Variants in CRYBG2 observed in about 807,000 individuals in gnomAD.
CRYBG2 encodes beta/gamma crystallin domain-containing protein 2.
In CRYBG2, 106 loss-of-function variants were observed where a neutral mutation model predicts 153.4. That is an observed-to-expected ratio of 0.69 (90% CI 0.59 to 0.81). The LOEUF is 0.81. CRYBG2 is among the 30% of genes least tolerant of loss of function. The pLI is 0.00. For missense variants in CRYBG2, 1,996 were observed against 2,112.0 expected (o/e 0.95, Z 1.08); for synonymous variants, 851 against 877.8 (o/e 0.97, Z 0.54).
chr1:26,353,773 A>C (rs1435111680), intron 1 of CRYBG2, among the ~76,000 whole-genome samples: 1 of 151,148 alleles, frequency 6.6e-6, no homozygotes, highest in African/African-American at 2.4e-5. Flanking sequence ...GAAGAAGGCA[A>C]CCCCCCTTCC....
At chr1:26,324,595 C>T (rs1342079861) in intron 17 of CRYBG2, among the ~76,000 whole-genome samples, 1 of 151,884 alleles carries the variant, frequency 6.6e-6, no homozygotes, top group Non-Finnish European at 1.5e-5. Flanking sequence ...GACAGATACA[C>T]CTCTGGTACA....
At chr1:26,323,414 A>C (rs1490444820) in intron 18 of CRYBG2, among the ~76,000 whole-genome samples, 1 of 151,916 alleles carries the variant, frequency 6.6e-6, no homozygotes, top group East Asian at 1.9e-4. Flanking sequence ...ATCTTCCTCT[A>C]TTGAACTTTC....
At position 26,337,274 on chromosome 1, in the gene CRYBG2, G is replaced by A. The variant is rs1476227081; in HGVS notation, c.3750C>T (p.Thr1250=). The change falls in exon 10 of 20, where the codon ACC becomes ACT. Residue 1250 remains threonine, a synonymous_variant. Coordinates refer to ENST00000308182, the MANE Select transcript of CRYBG2 (RefSeq NM_001039775.4). ...TTACCGTCCGGATGACCCGGAGGGA[G>A]GTCAGCAACTCGTCATAGCCTCCCC... The part of the protein sequence containing the change: ...SHWGGYDELL[T]SLRVIRTDFG... 2 of 1,614,126 alleles carry A rather than the reference G, an allele frequency of 1.2e-6. No homozygotes were observed. Among genetic ancestry groups the A allele is most frequent in the Non-Finnish European group, 1.7e-6 (2 of 1,180,004 alleles).
chr1:26,344,342 C>G lies in CRYBG2; in HGVS notation c.2316G>C (p.Arg772=). 8 of 1,504,236 alleles carry G rather than the reference C, an allele frequency of 5.3e-6. No individual in the cohort carries two copies. Among genetic ancestry groups the G allele is most frequent in the Non-Finnish European group, 7.1e-6 (8 of 1,123,956 alleles). The allele number at this position is 1,504,236 out of a possible 1,614,324, so 93.2% of individuals were successfully genotyped here. Residue 772 remains arginine, a synonymous_variant, in exon 2 of 20, where the codon CGG becomes CGC. Coordinates refer to ENST00000308182, the MANE Select transcript of CRYBG2 (RefSeq NM_001039775.4). The part of the protein sequence containing the change: ...ADLEIFLDTL[R]SMEPPEILRT... ...GGAGGATCTCAGGGGGCTCCATGCTCCGCAGCGTATCCAGGAATATCTCCA... is the reference window on the plus strand; with the variant it reads ...GGAGGATCTCAGGGGGCTCCATGCTGCGCAGCGTATCCAGGAATATCTCCA...
chr1:26,338,986 T>C (rs1009287192), intron 6 of CRYBG2, among the ~76,000 whole-genome samples: 2 of 152,184 alleles, frequency 1.3e-5, no homozygotes, highest in African/African-American at 4.8e-5. Context: ...AGGGATACAG[T>C]GGTGAACAAG....
Position 26,346,379 on chromosome 1 carries a change from A to G in CRYBG2, c.279T>C (p.His93=), listed in dbSNP as rs757362681. 3.6e-5 allele frequency: 57 copies of G among 1,599,318 alleles called. No individual in the cohort carries two copies. The highest frequency in any genetic ancestry group is 4.6e-5 in the Non-Finnish European group (54 of 1,179,710). ...TGTACTTCTTGGAAAAGATGGGTCC[A>G]TGGCTCTGGAAGTTCTTGGAGCCAG... ...DTAGSKNFQS[H]GPIFSKKYIP... is the part of the protein sequence containing the mutation. Residue 93 remains histidine (H), a synonymous_variant, in exon 2 of 20, where the codon CAT becomes CAC. Transcript: ENST00000308182. This position sits in a 1 kb window ranked among gnomAD's most constrained non-coding sequence, Gnocchi z 4.9.
intron 15 of CRYBG2, among the ~76,000 whole-genome samples, chr1:26,330,918 C>A (rs1197453647): frequency 6.6e-6 from 1 of 152,186 alleles, no homozygotes; most frequent in African/African-American, 2.4e-5. Context: ...GTACTGCCCC[C>A]ACTGGCCACA....
rs758525364 is a variant in CRYBG2 at position 26,328,781 on chromosome 1, G to A, written c.4407C>T (p.Ala1469=). The change falls in exon 16 of 20, where the codon GCC becomes GCT. Residue 1469 remains alanine, a synonymous_variant. Transcript: ENST00000308182. The stretch of plus-strand genomic sequence containing the variant: ...ACAGCACATGGTTGTTGAAGCCCTC[G>A]GCTTGCAGGCTCCGCACCTCCCTGC... ...ELSREVRSLQ[A]EGFNNHVLSV... is the part of the protein sequence containing the mutation. 21 of 1,613,912 alleles carry A rather than the reference G, an allele frequency of 1.3e-5. No individual in the cohort carries two copies. Among genetic ancestry groups the A allele is most frequent in the Admixed American group, 6.7e-5 (4 of 59,970 alleles).
At chr1:26,350,658 G>A (rs556111529) in intron 1 of CRYBG2, among the ~76,000 whole-genome samples, 46 of 152,230 alleles carry the variant, frequency 3.0e-4, no homozygotes, top group Non-Finnish European at 5.6e-4. Context: ...TCTCTGGTTT[G>A]GGGGTTTACA....
rs764547732 is a variant in CRYBG2 at position 26,336,907 on chromosome 1, G to A, written c.3845C>T (p.Ala1282Val). The A allele has an allele frequency of 1.2e-6, 2 of 1,612,348 alleles. No individual in the cohort carries two copies. Among genetic ancestry groups the A allele is most frequent in the Non-Finnish European group, 1.7e-6 (2 of 1,179,334 alleles). Residue 1282 changes from alanine (A) to valine (V), a missense_variant, in exon 11 of 20, where the codon GCA (alanine) becomes GTA (valine). Transcript: ENST00000308182. This position sits in a 1 kb window ranked among gnomAD's most constrained non-coding sequence, Gnocchi z 4.9. ...TTGCACCAGCTCCACATCCGGCAAT[G>A]CCTTGCTCACCTCCACGCCGTGCCC... ...FEGHGVEVSKALPDVELVQHG... is the reference protein window; with the variant it reads ...FEGHGVEVSKVLPDVELVQHG...
chr1:26,332,056 C>G (rs2074002467), intron 14 of CRYBG2, among the ~76,000 whole-genome samples: 1 of 152,014 alleles, frequency 6.6e-6, no homozygotes, highest in South Asian at 2.1e-4. Context: ...GCCTGTAATC[C>G]CAGCACTTTG....
At chr1:26,334,670 A>T (rs1227899232) in intron 14 of CRYBG2, among the ~76,000 whole-genome samples, 1 of 152,186 alleles carries the variant, frequency 6.6e-6, no homozygotes, top group Non-Finnish European at 1.5e-5. Context: ...CATGCCTGTA[A>T]TCCCAGCACT....
Position 26,336,674 on chromosome 1 carries a change from C to A in CRYBG2, c.3970G>T (p.Val1324Leu). The A allele has an allele frequency of 1.3e-6, 2 of 1,558,958 alleles. No homozygotes were observed. Among genetic ancestry groups the A allele is most frequent in the Non-Finnish European group, 1.7e-6 (2 of 1,151,110 alleles). The change falls in exon 12 of 20, where the codon GTG becomes TTG. Residue 1324 changes from valine to leucine, a missense_variant. Coordinates refer to ENST00000308182, the MANE Select transcript of CRYBG2 (RefSeq NM_001039775.4). The surrounding 1 kb of genome is among the most constrained non-coding windows in gnomAD (Gnocchi z 4.9). ...SGEQYVLEKG[V>L]YRNCEDWGAG... ...CCCCAGTCCTCGCAGTTACGATACACGCCCTTCTCCAGCACGTACTGTTCC... is the reference window on the plus strand; with the variant it reads ...CCCCAGTCCTCGCAGTTACGATACAAGCCCTTCTCCAGCACGTACTGTTCC...
Position 26,344,512 on chromosome 1 carries a change from A to C in CRYBG2, c.2146T>G (p.Ser716Ala). ...PAPSSSVDRV[S>A]PSPGGTPAPV... ...GCAGGGGTGCCTCCTGGGCTGGGGG[A>C]CACCCTGTCCACTGAGGAAGATGGG... is the stretch of plus-strand genomic sequence containing the variant. Residue 716 changes from serine (S) to alanine (A), a missense_variant, in exon 2 of 20, where the codon TCC becomes GCC. Coordinates refer to ENST00000308182, the MANE Select transcript of CRYBG2 (RefSeq NM_001039775.4). 6.5e-7 allele frequency: 1 copy of C among 1,542,822 alleles called. No individual in the cohort carries two copies.
At position 26,338,450 on chromosome 1, in the gene CRYBG2, G is replaced by T. The variant is rs377077531; in HGVS notation, c.3372C>A (p.Phe1124Leu). 1 of 1,612,534 alleles carries T rather than the reference G, an allele frequency of 6.2e-7. No individual in the cohort carries two copies. The highest frequency in any genetic ancestry group is 1.7e-5 in the Admixed American group (1 of 59,794). The change falls in exon 7 of 20, where the codon TTC (phenylalanine) becomes TTA (leucine). Residue 1124 changes from phenylalanine to leucine, a missense_variant. By Grantham distance (22) the Phe-to-Leu change is conservative (BLOSUM62 0). Transcript: ENST00000308182. ...GLWLLYPKPL[F>L]EDTPYILEPG... ...GTTCCAGGATGTAGGGAGTGTCTTC[G>T]AATAATGGTTTGGGGTACAGTAGCC... is the stretch of plus-strand genomic sequence containing the variant.
chr1:26,341,553 C>T (rs998525032), intron 5 of CRYBG2, among the ~76,000 whole-genome samples: 6 of 151,926 alleles, frequency 3.9e-5, no homozygotes, highest in Non-Finnish European at 7.4e-5. Flanking sequence ...ATGGCATGAT[C>T]TCAGCTCACC....
intron 1 of CRYBG2, among the ~76,000 whole-genome samples, chr1:26,352,089 C>A (rs923429419): frequency 6.6e-6 from 1 of 152,008 alleles, no homozygotes; most frequent in Non-Finnish European, 1.5e-5. Flanking sequence ...TCTAACCCAA[C>A]AAGTCCTGGA....
chr1:26,345,934 C>A lies in CRYBG2; in HGVS notation c.724G>T (p.Val242Leu), dbSNP rs762030000. 6.3e-7 allele frequency: 1 copy of A among 1,596,152 alleles called. No individual in the cohort carries two copies. The highest frequency in any genetic ancestry group is 1.3e-5 in the African/African-American group (1 of 75,020). The part of the protein sequence containing the change: ...SQAVKVLSNL[V>L]PAGHSPPASH... ...GCAGGGGGGCTGTGCCCAGCAGGCA[C>A]GAGGTTACTTAGCACTTTCACGGCC... The change falls in exon 2 of 20, where the codon GTG becomes TTG. Residue 242 changes from valine to leucine, a missense_variant. Transcript: ENST00000308182.
chr1:26,324,682 A>T (rs1213927316), intron 17 of CRYBG2: 1 of 176,066 alleles, frequency 5.7e-6, no homozygotes, highest in African/African-American at 2.3e-5. Flanking sequence ...TTCTAACCAT[A>T]GATCCATGCA....
Sources: allele counts gnomAD v4.1 joint callset (sites outside exome capture counted in the v4.1 genomes callset), GRCh38; gene constraint gnomAD v4.1.1; non-coding constraint Gnocchi (gnomAD v3.1); transcripts MANE v1.5; gene names NCBI Gene and HGNC (gene_info 2026-07-23, HGNC 2026-07-21).